TENM3: variants seen among roughly 807,000 people sequenced by gnomAD.
TENM3 encodes teneurin transmembrane protein 3.
In TENM3, 63 loss-of-function variants were observed where a neutral mutation model predicts 255.1. That is an observed-to-expected ratio of 0.25 (90% CI 0.20 to 0.30). The LOEUF (loss-of-function observed/expected upper bound fraction) is 0.30, where lower values mean the gene tolerates loss of function less well. TENM3 is among the 10% of genes least tolerant of loss of function. The probability of loss-of-function intolerance (pLI) is 1.00; values close to 1 mark genes in which losing one functional copy is unlikely to be tolerated. For missense variants in TENM3, 2,929 were observed against 3,461.1 expected, an observed-to-expected ratio of 0.85 and a Z score of 3.86; for synonymous variants, 1,306 against 1,322.3, an observed-to-expected ratio of 0.99 and a Z score of 0.27.
At chr4:182,454,307 G>A (rs1773706312) in intron 3 of TENM3, among the ~76,000 whole-genome samples, 1 of 152,064 alleles carries the variant, frequency 6.6e-6, no homozygotes, top group Admixed American at 6.6e-5. Context: ...CAGAATGAAG[G>A]TGAAAATTAA....
chr4:182,350,245 A>G (rs1166593496), intron 3 of TENM3: 1 of 152,570 alleles, frequency 6.6e-6, no homozygotes, highest in African/African-American at 2.4e-5. Context: ...AGAGTAAGAG[A>G]ACATTCGGAC....
the TENM3 span, among the ~76,000 whole-genome samples, chr4:181,519,552 G>A: frequency 3.9e-5 from 6 of 152,208 alleles, no homozygotes; most frequent in South Asian, 2.1e-4. Context: ...CTATGATTAC[G>A]ATTACTTAAG....
chr4:182,264,370 T>C (rs1032734344), intron 1 of TENM3, among the ~76,000 whole-genome samples: 3 of 152,368 alleles, frequency 2.0e-5, no homozygotes, highest in East Asian at 1.9e-4. Context: ...CGTTGTTTTA[T>C]GTCCTTGGGA....
chr4:182,154,318 T>C (rs1437650422), intron 1 of TENM3, among the ~76,000 whole-genome samples: 2 of 152,104 alleles, frequency 1.3e-5, no homozygotes, highest in Non-Finnish European at 2.9e-5. Context: ...GCTTTGTGGA[T>C]AAGCTGCCAC....
the TENM3 span, among the ~76,000 whole-genome samples, chr4:182,077,601 G>A: frequency 3.3e-5 from 5 of 152,150 alleles, no homozygotes; most frequent in Admixed American, 3.3e-4. Flanking sequence ...CTTCCCTGAG[G>A]AAGTAATGCT....
chr4:181,467,799 A>C, the TENM3 span, among the ~76,000 whole-genome samples: 1 of 152,162 alleles, frequency 6.6e-6, no homozygotes, highest in African/African-American at 2.4e-5. Flanking sequence ...AGTGCTTTTT[A>C]GTGTTAAGTC....
chr4:181,992,014 A>C, the TENM3 span, among the ~76,000 whole-genome samples: 1 of 152,310 alleles, frequency 6.6e-6, no homozygotes, highest in African/African-American at 2.4e-5. Flanking sequence ...CTTTAAAAAA[A>C]TTCTCAAATG....
At chr4:181,821,007 A>G in the TENM3 span, among the ~76,000 whole-genome samples, 1 of 152,176 alleles carries the variant, frequency 6.6e-6, no homozygotes, top group African/African-American at 2.4e-5. Context: ...TTCAATTTCC[A>G]GGTTGGGCAG....
the TENM3 span, among the ~76,000 whole-genome samples, chr4:182,026,067 C>G: frequency 6.6e-6 from 1 of 152,132 alleles, no homozygotes; most frequent in African/African-American, 2.4e-5. Context: ...TGAGTGAGAA[C>G]ATGTGGTGTT....
chr4:182,406,311 T>A lies in TENM3; in HGVS notation c.511+59382T>A, dbSNP rs533107278. Among the ~76,000 whole-genome samples the A allele has an allele frequency of 1.9e-3, 280 of 150,080 alleles. 6 individuals are homozygous for A. Among genetic ancestry groups the A allele is most frequent in the Admixed American group, 5.3e-4 (8 of 15,176 alleles). On this transcript the variant is annotated intron_variant, in intron 3 of 27. Transcript: ENST00000511685. ...CAGAGCGAGACTCCATCAAAAAAAA[T>A]AAAAATAAAAATAAATAAAAAATAA... is the stretch of plus-strand genomic sequence containing the variant.
intron 3 of TENM3, among the ~76,000 whole-genome samples, chr4:182,392,663 G>A (rs1768516937): frequency 6.7e-6 from 1 of 149,618 alleles, no homozygotes; most frequent in Admixed American, 6.7e-5. Context: ...CTAGGGGAAT[G>A]CCTCCACGTG....
At chr4:181,637,480 C>T in the TENM3 span, among the ~76,000 whole-genome samples, 1 of 152,184 alleles carries the variant, frequency 6.6e-6, no homozygotes, top group South Asian at 2.1e-4. Context: ...TGGCAAAACT[C>T]GTCAAATGTT....
the TENM3 span, chr4:181,877,104 C>A: frequency 6.6e-6 from 1 of 151,936 alleles, no homozygotes; most frequent in Admixed American, 6.6e-5. Flanking sequence ...CATGTCTTGC[C>A]TTCCAGGAGT....
the TENM3 span, among the ~76,000 whole-genome samples, chr4:181,784,678 T>G: frequency 6.6e-6 from 1 of 152,190 alleles, no homozygotes; most frequent in Non-Finnish European, 1.5e-5. Flanking sequence ...CTTTTTCTCA[T>G]TTCAGATAAA....
At chr4:181,864,692 A>T in the TENM3 span, among the ~76,000 whole-genome samples, 1 of 152,168 alleles carries the variant, frequency 6.6e-6, no homozygotes, top group African/African-American at 2.4e-5. Context: ...CAACAAGCTG[A>T]TGGGTTAAAC....
At chr4:182,064,518 G>A in the TENM3 span, among the ~76,000 whole-genome samples, 2 of 152,058 alleles carry the variant, frequency 1.3e-5, no homozygotes, top group Non-Finnish European at 2.9e-5. Context: ...GGGAGGCGGA[G>A]CTTGCAGTGA....
At chr4:181,526,285 C>T in the TENM3 span, among the ~76,000 whole-genome samples, 7 of 150,328 alleles carry the variant, frequency 4.7e-5, no homozygotes, top group Non-Finnish European at 8.9e-5. Flanking sequence ...AAAAAACCAG[C>T]AAAGTAGCGA....
intron 3 of TENM3, among the ~76,000 whole-genome samples, chr4:182,494,319 G>A (rs1472816221): frequency 4.6e-5 from 7 of 151,996 alleles, no homozygotes; most frequent in Admixed American, 6.6e-5. Context: ...GGTAAACCAC[G>A]GTTTGAAAAT....
chr4:181,563,135 A>G, the TENM3 span, among the ~76,000 whole-genome samples: 17,198 of 152,216 alleles, frequency 0.11, 1,057 homozygotes, highest in Middle Eastern at 0.17. Context: ...TGGCTTAAAC[A>G]GCAGAAACTC....
Sources: allele counts gnomAD v4.1 joint callset (sites outside exome capture counted in the v4.1 genomes callset), GRCh38; gene constraint gnomAD v4.1.1; transcripts MANE v1.5; gene names NCBI Gene and HGNC (gene_info 2026-07-23, HGNC 2026-07-21).